CYRIA: variants seen among roughly 807,000 people sequenced by gnomAD.
The protein encoded by CYRIA is CYFIP related Rac1 interactor A.
Under a neutral mutation model 43.9 loss-of-function variants are expected in CYRIA, and 15 were observed. That is an observed-to-expected ratio of 0.34 (90% CI 0.23 to 0.53). The LOEUF is 0.53. Ranked by LOEUF, CYRIA falls within the 20% of genes least tolerant of loss-of-function variation. CYRIA has a pLI of 0.94. For missense variants in CYRIA, 236 were observed against 394.2 expected (o/e 0.60, Z 3.40); for synonymous variants, 117 against 136.0 (o/e 0.86, Z 0.97).
At chr2:16,626,319 C>A (rs11897395) in intron 1 of CYRIA, among the ~76,000 whole-genome samples, 22,860 of 151,958 alleles carry the variant, frequency 0.15, 1,942 homozygotes, top group African/African-American at 0.22. Flanking sequence ...AAAATACAGA[C>A]CCAATCCAGA....
chr2:16,559,377 C>T (rs2103407668), intron 10 of CYRIA, 83 bp downstream of exon 10: 1 of 1,504,944 alleles, frequency 6.6e-7, no homozygotes, highest in Non-Finnish European at 9.0e-7. Context: ...TGGAGAGGTC[C>T]TGAGGTGCCT....
intron 3 of CYRIA, among the ~76,000 whole-genome samples, chr2:16,576,500 G>A (rs1667352027): frequency 6.6e-6 from 1 of 152,128 alleles, no homozygotes; most frequent in Admixed American, 6.5e-5. Context: ...CCCTGTCTTG[G>A]AAATCTTCCC....
chr2:16,564,308 C>T (rs1480506671), intron 4 of CYRIA, among the ~76,000 whole-genome samples: 4 of 152,150 alleles, frequency 2.6e-5, no homozygotes, highest in African/African-American at 9.7e-5. Flanking sequence ...ACAATTACAT[C>T]CTGTGTCATC....
rs190170056 is a variant in CYRIA, at chr2:16,572,383, C to T, written c.71-6616G>A. Among the ~76,000 whole-genome samples, 379 of 152,070 alleles carry T rather than the reference C, an allele frequency of 2.5e-3. 2 individuals are homozygous for T. Among genetic ancestry groups the T allele is most frequent in the Middle Eastern group, 0.01 (3 of 294 alleles). On this transcript the variant is annotated intron_variant, in intron 3 of 11. Coordinates refer to ENST00000381323, the MANE Select transcript of CYRIA (RefSeq NM_030797.4). ...GTATTGCCATCAAAAAACTGCTTCC[C>T]AGGTATGTTCTGTTTTTGTTTGTTT...
intron 3 of CYRIA, among the ~76,000 whole-genome samples, chr2:16,575,638 G>A (rs1162786139): frequency 1.3e-5 from 2 of 151,950 alleles, no homozygotes; most frequent in Admixed American, 6.6e-5. Context: ...GGCGGATCAC[G>A]AGGTCAGGAG....
At chr2:16,569,851 C>T (rs10206736) in intron 3 of CYRIA, among the ~76,000 whole-genome samples, 11,993 of 152,220 alleles carry the variant, frequency 0.079, 594 homozygotes, top group African/African-American at 0.13. Flanking sequence ...TTTCACTTGA[C>T]ATTATATTTC....
intron 5 of CYRIA, among the ~76,000 whole-genome samples, chr2:16,563,218 C>G (rs1490459323): frequency 6.6e-6 from 1 of 152,166 alleles, no homozygotes; most frequent in African/African-American, 2.4e-5. Context: ...CTCTTTTACT[C>G]TCTTCTATCT....
At chr2:16,561,646 A>T in intron 6 of CYRIA, 113 bp from the exon 7 acceptor site, 1 of 813,782 alleles carries the variant, frequency 1.2e-6, no homozygotes, top group African/African-American at 1.7e-5. Context: ...TCTCTTTGTT[A>T]CATAAGAGTC....
intron 1 of CYRIA, among the ~76,000 whole-genome samples, chr2:16,630,509 A>G (rs981494964): frequency 6.6e-6 from 1 of 152,078 alleles, no homozygotes; most frequent in Non-Finnish European, 1.5e-5. Flanking sequence ...TAACACCTGA[A>G]TGGCCATTAA....
In CYRIA at chr2:16,557,713, G is replaced by A. The variant is rs113144203; in HGVS notation, c.837+1747C>T. Among the ~76,000 whole-genome samples, 738 of 152,212 alleles carry A rather than the reference G, an allele frequency of 4.8e-3. 8 individuals carry two copies. The highest frequency in any genetic ancestry group is 0.016 in the African/African-American group (662 of 41,536). On this transcript the variant is annotated intron_variant, in intron 10 of 11. Transcript: ENST00000381323. ...GCGTGAAGACTTAACATGATATACT[G>A]TTTACAGCCTCAACTGAAAGACTCA...
Position 16,556,505 on chromosome 2 carries a change from C to T in CYRIA, c.838-1366G>A, listed in dbSNP as rs542024446. 7.2e-5 allele frequency among the ~76,000 whole-genome samples: 11 copies of T among 152,196 alleles called. No individual in the cohort carries two copies. In the South Asian group the frequency reaches 2.3e-3, roughly 32 times the overall value. On this transcript the variant is annotated intron_variant, in intron 10 of 11. Coordinates refer to ENST00000381323, the MANE Select transcript of CYRIA (RefSeq NM_030797.4). ...GGAAGGGGTGGAAGAGCAGGGAATG[C>T]TGTTTGGGAATCCGGAGTTCCACTT... is the stretch of plus-strand genomic sequence containing the variant.
intron 2 of CYRIA, among the ~76,000 whole-genome samples, chr2:16,604,553 C>T (rs1668324221): frequency 6.6e-6 from 1 of 152,222 alleles, no homozygotes; most frequent in South Asian, 2.1e-4. Context: ...TTTTGAATTA[C>T]AAGCAAAACA....
intron 1 of CYRIA, among the ~76,000 whole-genome samples, chr2:16,646,964 T>C (rs1415028486): frequency 6.6e-6 from 1 of 152,236 alleles, no homozygotes; most frequent in Non-Finnish European, 1.5e-5. Flanking sequence ...TGGAACTATA[T>C]GATCAGCTCT....
At chr2:16,615,182 C>G (rs940432847) in intron 2 of CYRIA, among the ~76,000 whole-genome samples, 1 of 152,178 alleles carries the variant, frequency 6.6e-6, no homozygotes, top group African/African-American at 2.4e-5. Context: ...TCTCTCAAGC[C>G]CCACCTCAGA....
intron 2 of CYRIA, among the ~76,000 whole-genome samples, chr2:16,613,504 C>A (rs894052804): frequency 1.3e-5 from 2 of 149,958 alleles, no homozygotes; most frequent in African/African-American, 5.1e-5. Context: ...GCGCTACATG[C>A]AAATGCCCTC....
intron 1 of CYRIA, among the ~76,000 whole-genome samples, chr2:16,624,479 G>A (rs1218138350): frequency 6.6e-6 from 1 of 152,224 alleles, no homozygotes; most frequent in African/African-American, 2.4e-5. Context: ...CCTCAGGCAT[G>A]TGGTTGGGAT....
At chr2:16,633,974 A>G (rs373842430) in intron 1 of CYRIA, among the ~76,000 whole-genome samples, 1 of 152,192 alleles carries the variant, frequency 6.6e-6, no homozygotes, top group Non-Finnish European at 1.5e-5. Context: ...GGATCGCTGA[A>G]TAACTAGCTG....
At chr2:16,621,102 G>A (rs1668979088) in intron 2 of CYRIA, among the ~76,000 whole-genome samples, 1 of 152,182 alleles carries the variant, frequency 6.6e-6, no homozygotes, top group Non-Finnish European at 1.5e-5. Context: ...TGCAGGGGCT[G>A]ACCTAGTCCT....
At chr2:16,618,287 C>T (rs1382006396) in intron 2 of CYRIA, among the ~76,000 whole-genome samples, 2 of 152,186 alleles carry the variant, frequency 1.3e-5, no homozygotes, top group Admixed American at 6.5e-5. Flanking sequence ...AGCATCTTCT[C>T]TTTCTTTCTC....
Sources: allele counts gnomAD v4.1 joint callset (sites outside exome capture counted in the v4.1 genomes callset), GRCh38; gene constraint gnomAD v4.1.1; transcripts MANE v1.5; gene names NCBI Gene and HGNC (gene_info 2026-07-23, HGNC 2026-07-21).